Variants in NMU observed in about 807,000 individuals in gnomAD.
NMU encodes neuromedin-U.
A neutral mutation model predicts 35.4 loss-of-function variants in NMU; 29 were observed. The ratio of observed to expected loss-of-function variants is 0.82; its 90% CI spans 0.61 to 1.12. The LOEUF is 1.12. NMU is among the 50% of genes most tolerant of loss of function. NMU has a pLI of 0.00. For missense variants in NMU, 199 were observed against 206.2 expected, an observed-to-expected ratio of 0.97 and a Z score of 0.21; for synonymous variants, 78 against 81.3, an observed-to-expected ratio of 0.96 and a Z score of 0.22.
chr4:55,636,375 C>T (rs1715935292), upstream of NMU: 1 of 929,392 alleles, frequency 1.1e-6, no homozygotes, highest in Non-Finnish European at 1.5e-6. The surrounding 1 kb of genome is among the most constrained non-coding windows in gnomAD (Gnocchi z 4.0). Flanking sequence ...CGCGCGTCAC[C>T]TCGCCGCCTG....
At chr4:55,605,133 G>A (rs1016846214) in intron 7 of NMU, 142 bp downstream of exon 7, 3 of 721,838 alleles carry the variant, frequency 4.2e-6, no homozygotes, top group Non-Finnish European at 7.7e-6. Context: ...TCTACAAACA[G>A]ATGCTCTTAC....
intron 3 of NMU, among the ~76,000 whole-genome samples, chr4:55,613,531 A>G (rs1157287634): frequency 6.6e-6 from 1 of 152,196 alleles, no homozygotes; most frequent in Non-Finnish European, 1.5e-5. Flanking sequence ...TGAGTTTATT[A>G]TCAATGTTTT....
At chr4:55,617,510 C>T (rs902978433) in intron 2 of NMU, among the ~76,000 whole-genome samples, 2 of 151,968 alleles carry the variant, frequency 1.3e-5, no homozygotes, top group Non-Finnish European at 2.9e-5. Context: ...ATCATGGACA[C>T]ACACACACAC....
At chr4:55,612,039 C>T (rs1463891415) in intron 3 of NMU, among the ~76,000 whole-genome samples, 1 of 152,108 alleles carries the variant, frequency 6.6e-6, no homozygotes, top group Non-Finnish European at 1.5e-5. Context: ...TATTGTGTTG[C>T]ATTGGTATTG....
At chr4:55,606,021 T>C (rs372207120) in intron 6 of NMU, among the ~76,000 whole-genome samples, 50 of 152,378 alleles carry the variant, frequency 3.3e-4, no homozygotes, top group African/African-American at 1.1e-3. Flanking sequence ...TTCTCATTAA[T>C]CTTAAATTCA....
chr4:55,628,481 CATT>C (rs111899620), intron 2 of NMU, among the ~76,000 whole-genome samples: 29 of 150,200 alleles, frequency 1.9e-4, no homozygotes, highest in African/African-American at 2.9e-4. Context: ...TTATTTCTGC[CATT>C]ATTATTATTA....
At chr4:55,630,250 T>C (rs1054108728) in intron 2 of NMU, 152 bp downstream of exon 2, 4 of 697,376 alleles carry the variant, frequency 5.7e-6, no homozygotes, top group African/African-American at 5.4e-5. Context: ...CTTCTCTCCT[T>C]CTCTTTTATT....
rs201736430 is a variant in NMU at position 55,602,284 on chromosome 4, A to G, written c.436-1709T>C. ...TAAAACCTCATTTCTTCAAGAATTC[A>G]AAATATTTCACTATCAAAGATATAT... On this transcript the variant is annotated intron_variant, in intron 7 of 9. Coordinates refer to ENST00000264218, the MANE Select transcript of NMU (RefSeq NM_006681.4). Among the ~76,000 whole-genome samples the G allele has an allele frequency of 2.2e-4, 33 of 152,360 alleles. No homozygotes were observed. In the East Asian group the frequency reaches 6.0e-3, roughly 28 times the overall value.
intron 9 of NMU, among the ~76,000 whole-genome samples, 198 bp downstream of exon 9, chr4:55,598,944 T>C (rs1489696256): frequency 1.3e-5 from 2 of 152,168 alleles, no homozygotes; most frequent in Non-Finnish European, 2.9e-5. Flanking sequence ...ATTTTCTCAT[T>C]ACAATAAAGC....
chr4:55,611,394 T>TA (rs1733925662), intron 3 of NMU, among the ~76,000 whole-genome samples: 1 of 152,062 alleles, frequency 6.6e-6, no homozygotes, highest in Non-Finnish European at 1.5e-5. Context: ...TTTATAAAAG[T>TA]AAAAAAGTTA....
chr4:55,604,564 G>A (rs1052458583), intron 7 of NMU, among the ~76,000 whole-genome samples: 60 of 133,576 alleles, frequency 4.5e-4, no homozygotes, highest in Non-Finnish European at 7.8e-4. Context: ...ACGGAGTCTT[G>A]CTCTGTCACC....
chr4:55,636,334 G>T, upstream of NMU: 4 of 1,243,316 alleles, frequency 3.2e-6, no homozygotes, highest in Non-Finnish European at 4.2e-6. This position sits in a 1 kb window ranked among gnomAD's most constrained non-coding sequence, Gnocchi z 4.0. Context: ...TAAATCTCGC[G>T]CACAAGTGGG....
chr4:55,612,079 G>A (rs188850529), intron 3 of NMU, among the ~76,000 whole-genome samples: 1 of 152,280 alleles, frequency 6.6e-6, no homozygotes, highest in African/African-American at 2.4e-5. Flanking sequence ...GGAGTTGGCT[G>A]CGAGAAAAAC....
intron 2 of NMU, 120 bp downstream of exon 2, chr4:55,630,282 G>T: frequency 1.2e-6 from 1 of 814,316 alleles, no homozygotes; most frequent in South Asian, 1.6e-5. Flanking sequence ...GTAATTCTGG[G>T]TTTTATTATT....
At chr4:55,612,829 C>G (rs1426661983) in intron 3 of NMU, among the ~76,000 whole-genome samples, 1 of 152,112 alleles carries the variant, frequency 6.6e-6, no homozygotes, top group Non-Finnish European at 1.5e-5. Flanking sequence ...TTAAAGATAA[C>G]ATTTTCTACT....
At chr4:55,613,843 G>C (rs1734023396) in intron 3 of NMU, among the ~76,000 whole-genome samples, 1 of 152,040 alleles carries the variant, frequency 6.6e-6, no homozygotes, top group African/African-American at 2.4e-5. Context: ...ACTTCACCCG[G>C]TTGCCTCCAC....
intron 2 of NMU, among the ~76,000 whole-genome samples, chr4:55,628,462 T>C (rs1277999065): frequency 1.4e-5 from 2 of 145,364 alleles, no homozygotes; most frequent in African/African-American, 5.1e-5. Flanking sequence ...TCCGCTCTCC[T>C]TTTAAAATTT....
chr4:55,631,470 G>A (rs1164962414), intron 1 of NMU, among the ~76,000 whole-genome samples: 1 of 151,644 alleles, frequency 6.6e-6, no homozygotes, highest in Non-Finnish European at 1.5e-5. Flanking sequence ...ACTCAAATCA[G>A]TGAGAAAAAA....
upstream of NMU, chr4:55,636,407 T>C: frequency 1.6e-6 from 1 of 644,400 alleles, no homozygotes; most frequent in Non-Finnish European, 2.3e-6. This position sits in a 1 kb window ranked among gnomAD's most constrained non-coding sequence, Gnocchi z 4.0. Context: ...CTACCTCGCC[T>C]CACCCCGCCC....
Sources: allele counts gnomAD v4.1 joint callset (sites outside exome capture counted in the v4.1 genomes callset), GRCh38; gene constraint gnomAD v4.1.1; non-coding constraint Gnocchi (gnomAD v3.1); transcripts MANE v1.5; gene names NCBI Gene and HGNC (gene_info 2026-07-23, HGNC 2026-07-21).